SERGEF: variants seen among roughly 807,000 people sequenced by gnomAD.
SERGEF encodes the protein secretion-regulating guanine nucleotide exchange factor.
SERGEF carries 51 observed loss-of-function variants against 50.0 expected under a neutral mutation model. The ratio of observed to expected loss-of-function variants is 1.02; its 90% CI spans 0.81 to 1.29. The LOEUF is 1.29. Among genes scored for constraint, SERGEF ranks in the 50% most tolerant of loss-of-function variants. The probability of loss-of-function intolerance (pLI) is 0.00; values close to 1 mark genes in which losing one functional copy is unlikely to be tolerated. For missense variants in SERGEF, 521 were observed against 557.0 expected, an observed-to-expected ratio of 0.94 and a Z score of 0.65; for synonymous variants, 205 against 212.4, an observed-to-expected ratio of 0.97 and a Z score of 0.30.
Position 18,007,951 on chromosome 11 carries a change from T to G in SERGEF, c.186A>C (p.Ala62=). Residue 62 remains alanine (A), a synonymous_variant, in exon 2 of 11, where the codon GCA becomes GCC. Coordinates refer to ENST00000265965, the MANE Select transcript of SERGEF (RefSeq NM_012139.4). ...RRITGGGGHS[A]VVTDGGDLFV... ...TTTGAAGGAAATTACCTGTGACAAC[T>G]GCAGAGTGGCCCCCTCCTCCTGTGA... 6.2e-7 allele frequency: 1 copy of G among 1,613,420 alleles called. No homozygotes were observed.
chr11:17,788,531 T>A (rs569603885), intron 10 of SERGEF, 118 bp from the exon 11 acceptor site: 2 of 830,458 alleles, frequency 2.4e-6, no homozygotes, highest in Admixed American at 3.1e-5. Flanking sequence ...ACGCCAAAGC[T>A]TAAGGACACA....
At chr11:17,890,925 C>A (rs1851521885) in intron 9 of SERGEF, among the ~76,000 whole-genome samples, 1 of 152,096 alleles carries the variant, frequency 6.6e-6, no homozygotes, top group Admixed American at 6.5e-5. Context: ...AAATATAAGA[C>A]AATTTGAGCA....
intron 10 of SERGEF, among the ~76,000 whole-genome samples, chr11:17,800,755 C>G (rs563205550): frequency 7.2e-5 from 11 of 152,256 alleles, no homozygotes; most frequent in Admixed American, 2.0e-4. Context: ...AGGAGCCAGC[C>G]ATATCTGTGG....
intron 9 of SERGEF, among the ~76,000 whole-genome samples, chr11:17,955,320 T>C (rs1183976171): frequency 6.6e-6 from 1 of 152,220 alleles, no homozygotes; most frequent in African/African-American, 2.4e-5. Flanking sequence ...TGGAAGTTCT[T>C]TGAGGGCAAA....
intron 3 of SERGEF, among the ~76,000 whole-genome samples, chr11:18,005,013 T>C (rs1195155362): frequency 2.0e-5 from 3 of 152,188 alleles, no homozygotes; most frequent in Non-Finnish European, 4.4e-5. Flanking sequence ...AGGAAGCATT[T>C]CCCTGTGGGG....
chr11:17,928,161 T>G (rs866539383), intron 9 of SERGEF, among the ~76,000 whole-genome samples: 1 of 152,204 alleles, frequency 6.6e-6, no homozygotes, highest in African/African-American at 2.4e-5. Flanking sequence ...CCAGCAGGCA[T>G]GAACAGAAGC....
At chr11:17,905,840 TA>T (rs1851829799) in intron 9 of SERGEF, among the ~76,000 whole-genome samples, 1 of 151,930 alleles carries the variant, frequency 6.6e-6, no homozygotes, top group Admixed American at 6.6e-5. Context: ...AATAAATAAA[TA>T]AATAAAATAA....
intron 4 of SERGEF, among the ~76,000 whole-genome samples, chr11:18,002,893 A>C (rs149954803): frequency 1.0e-3 from 154 of 152,354 alleles, no homozygotes; most frequent in African/African-American, 3.6e-3. Context: ...GTCACCTGTC[A>C]AAATGTTTTT....
intron 1 of SERGEF, among the ~76,000 whole-genome samples, chr11:18,009,752 T>C (rs942730840): frequency 2.6e-5 from 4 of 152,186 alleles, no homozygotes; most frequent in African/African-American, 7.2e-5. Flanking sequence ...AAAGGGTCCA[T>C]AATCCCTAAT....
intron 10 of SERGEF, among the ~76,000 whole-genome samples, chr11:17,858,448 C>T (rs191572000): frequency 6.6e-6 from 1 of 152,232 alleles, no homozygotes; most frequent in African/African-American, 2.4e-5. Context: ...AGCATATACA[C>T]CCCAAGACAG....
intron 4 of SERGEF, among the ~76,000 whole-genome samples, chr11:18,002,322 C>G (rs1242181808): frequency 1.3e-5 from 2 of 152,030 alleles, no homozygotes; most frequent in African/African-American, 4.8e-5. Flanking sequence ...TCCTTCAATC[C>G]ATCTTCCTAT....
At chr11:17,792,558 G>C (rs1041294102) in intron 10 of SERGEF, among the ~76,000 whole-genome samples, 3 of 152,190 alleles carry the variant, frequency 2.0e-5, no homozygotes, top group African/African-American at 7.2e-5. Context: ...CAAAGGACTA[G>C]AGCCAGGATT....
chr11:17,806,871 C>A (rs568203326), intron 10 of SERGEF, among the ~76,000 whole-genome samples: 1 of 151,576 alleles, frequency 6.6e-6, no homozygotes, highest in Non-Finnish European at 1.5e-5. Context: ...GTTCTCCCAC[C>A]AAACTCAATT....
chr11:17,790,443 C>T (rs1374507267), intron 10 of SERGEF, among the ~76,000 whole-genome samples: 1 of 151,888 alleles, frequency 6.6e-6, no homozygotes, highest in Non-Finnish European at 1.5e-5. Context: ...TTTAACTGTG[C>T]ATAGTATCCC....
At chr11:17,928,808 G>T (rs887173989) in intron 9 of SERGEF, among the ~76,000 whole-genome samples, 1 of 152,044 alleles carries the variant, frequency 6.6e-6, no homozygotes, top group African/African-American at 2.4e-5. Context: ...AACTAGCTTG[G>T]CATTTTTTTC....
chr11:17,835,360 A>G (rs1850380971), intron 10 of SERGEF, among the ~76,000 whole-genome samples: 1 of 152,198 alleles, frequency 6.6e-6, no homozygotes, highest in Non-Finnish European at 1.5e-5. Context: ...ACATCCTCAT[A>G]GCCACAATAG....
chr11:17,893,173 C>T (rs1220317063), intron 9 of SERGEF, among the ~76,000 whole-genome samples: 8 of 152,096 alleles, frequency 5.3e-5, no homozygotes, highest in African/African-American at 7.2e-5. Flanking sequence ...CTGTACAGAA[C>T]CTTATTTGAT....
rs138033442 is a variant in SERGEF, at chr11:17,944,716, C to A, written c.1011+14754G>T. ...ATTCAATTCTCTTCTGAGCACAGAT[C>A]CCGCATGAAAAACCCGCTTCTCTCT... On this transcript the variant is annotated intron_variant, in intron 9 of 10. Coordinates refer to ENST00000265965, the MANE Select transcript of SERGEF (RefSeq NM_012139.4). 5.8e-3 allele frequency among the ~76,000 whole-genome samples: 884 copies of A among 152,292 alleles called. 8 individuals carry two copies. The highest frequency in any genetic ancestry group is 0.02 in the African/African-American group (833 of 41,554).
intron 10 of SERGEF, among the ~76,000 whole-genome samples, chr11:17,810,208 G>A (rs1322691267): frequency 6.6e-6 from 1 of 152,192 alleles, no homozygotes; most frequent in African/African-American, 2.4e-5. Flanking sequence ...GCCCTCAGAT[G>A]GAAGGCAACA....
Sources: gnomAD v4.1 joint callset for allele counts (sites outside exome capture counted in the v4.1 genomes callset) on GRCh38, gnomAD v4.1.1 for gene constraint, MANE v1.5 for transcripts, NCBI Gene and HGNC (gene_info 2026-07-23, HGNC 2026-07-21) for gene names.